The following TLR6 variants were observed in gnomAD, a reference collection of about 807,000 sequenced individuals.
TLR6 encodes toll-like receptor 6.
A neutral mutation model predicts 16.1 loss-of-function variants in TLR6; 9 were observed. The ratio of observed to expected loss-of-function variants is 0.56; its 90% CI spans 0.34 to 0.98. The LOEUF is 0.98. TLR6 is among the 50% of genes least tolerant of loss of function. TLR6 has a pLI of 0.02. For missense variants in TLR6, 786 were observed against 921.0 expected (o/e 0.85, Z 1.90); for synonymous variants, 340 against 338.6 (o/e 1.00, Z -0.04).
intron 1 of TLR6, among the ~76,000 whole-genome samples, chr4:38,839,359 G>C (rs2109441558): frequency 6.6e-6 from 1 of 151,982 alleles, no homozygotes; most frequent in East Asian, 1.9e-4. Flanking sequence ...GACTTACTAG[G>C]CAAAGGCTTT....
At chr4:38,864,097 G>C in the TLR6 span, among the ~76,000 whole-genome samples, 1 of 152,266 alleles carries the variant, frequency 6.6e-6, no homozygotes, top group South Asian at 2.1e-4. Flanking sequence ...CTTCCTTAAA[G>C]TCTACATTGC....
intron 1 of TLR6, among the ~76,000 whole-genome samples, chr4:38,836,939 CAAA>C (rs61331167): frequency 1.1e-5 from 1 of 92,598 alleles, no homozygotes; most frequent in Non-Finnish European, 2.3e-5. Flanking sequence ...GACTCAGTCT[CAAA>C]AAAAAAAAAA....
At chr4:38,827,007 A>G in exon 2 of TLR6, 3 of 1,181,936 alleles carry the variant, frequency 2.5e-6, no homozygotes, top group African/African-American at 1.5e-5. Flanking sequence ...GCACCTCCAG[A>G]CAGTTACTTA....
At chr4:38,867,030 C>A in the TLR6 span, among the ~76,000 whole-genome samples, 1 of 152,156 alleles carries the variant, frequency 6.6e-6, no homozygotes, top group Non-Finnish European at 1.5e-5. Context: ...ATAAACACTG[C>A]GCTTCCTCCG....
chr4:38,837,579 C>T (rs1385273513), intron 1 of TLR6, among the ~76,000 whole-genome samples: 1 of 152,098 alleles, frequency 6.6e-6, no homozygotes, highest in Non-Finnish European at 1.5e-5. Context: ...CTATCTCTCA[C>T]CATATACAAA....
At chr4:38,847,298 G>A (rs547036077) in intron 1 of TLR6, among the ~76,000 whole-genome samples, 86 of 152,192 alleles carry the variant, frequency 5.7e-4, no homozygotes, top group Admixed American at 5.4e-3. Context: ...CACACATTAG[G>A]GGGGGTGGTT....
the TLR6 span, among the ~76,000 whole-genome samples, chr4:38,863,989 C>G: frequency 1.3e-5 from 2 of 152,216 alleles, no homozygotes; most frequent in Non-Finnish European, 2.9e-5. Flanking sequence ...TCCCTCTGCT[C>G]CAGCCACACT....
exon 2 of TLR6, chr4:38,825,942 C>T (rs1470000399): frequency 6.6e-6 from 1 of 152,392 alleles, no homozygotes; most frequent in African/African-American, 2.4e-5. Flanking sequence ...TCTATTCATT[C>T]AACAAATATT....
intron 1 of TLR6, among the ~76,000 whole-genome samples, chr4:38,844,990 C>T (rs974689661): frequency 2.6e-5 from 4 of 152,098 alleles, no homozygotes; most frequent in South Asian, 4.1e-4. Context: ...ACCTGGGAGG[C>T]GGAGGTTGCA....
upstream of TLR6, among the ~76,000 whole-genome samples, chr4:38,860,875 G>C (rs1441077769): frequency 1.3e-5 from 2 of 152,124 alleles, no homozygotes; most frequent in Non-Finnish European, 2.9e-5. Context: ...AGAAACAGGA[G>C]CTCACATACA....
At chr4:38,851,487 C>T (rs1035958741) in intron 1 of TLR6, among the ~76,000 whole-genome samples, 1 of 152,104 alleles carries the variant, frequency 6.6e-6, no homozygotes, top group African/African-American at 2.4e-5. Flanking sequence ...TTTAGAAAAC[C>T]CCATCGTCTC....
chr4:38,828,660 A>G (rs1172762021), exon 2 of TLR6: 3 of 1,614,204 alleles, frequency 1.9e-6, no homozygotes, highest in Non-Finnish European at 2.5e-6. Context: ...GGCCAAAGAA[A>G]TTGAAAGACT....
intron 1 of TLR6, among the ~76,000 whole-genome samples, chr4:38,851,680 G>A (rs1712779548): frequency 6.6e-6 from 1 of 152,086 alleles, no homozygotes; most frequent in African/African-American, 2.4e-5. Context: ...CAACTTACAA[G>A]GGATGTGAAG....
chr4:38,832,484 T>C (rs1165643356), intron 1 of TLR6, among the ~76,000 whole-genome samples: 2 of 152,218 alleles, frequency 1.3e-5, no homozygotes, highest in Non-Finnish European at 2.9e-5. Context: ...GCTAGCTCCT[T>C]GGCCTTCACA....
At chr4:38,855,967 G>C (rs1408147578) in intron 1 of TLR6, among the ~76,000 whole-genome samples, 4 of 151,870 alleles carry the variant, frequency 2.6e-5, no homozygotes, top group Admixed American at 2.0e-4. Flanking sequence ...GGGTAGACAA[G>C]ACCTATGAAA....
chr4:38,823,018 C>G (rs1727390660), downstream of TLR6, among the ~76,000 whole-genome samples: 1 of 152,166 alleles, frequency 6.6e-6, no homozygotes, highest in Admixed American at 6.5e-5. Context: ...AGAGAGAGAA[C>G]TTGTGCAGGG....
At chr4:38,843,487 A>C (rs1351355682) in intron 1 of TLR6, among the ~76,000 whole-genome samples, 1 of 152,256 alleles carries the variant, frequency 6.6e-6, no homozygotes, top group Non-Finnish European at 1.5e-5. Context: ...CTTTATTTAC[A>C]AAGGGTCCAC....
At chr4:38,828,137 C>T in exon 2 of TLR6, 1 of 1,614,214 alleles carries the variant, frequency 6.2e-7, no homozygotes, top group Non-Finnish European at 8.5e-7. Flanking sequence ...AGGTAAACAT[C>T]TGAAAACAGA....
intron 1 of TLR6, among the ~76,000 whole-genome samples, chr4:38,829,795 G>A (rs1427616452): frequency 3.3e-5 from 5 of 152,216 alleles, no homozygotes; most frequent in Admixed American, 1.3e-4. Flanking sequence ...CACACTCAGG[G>A]GCTTGCCTTT....
Sources: allele counts gnomAD v4.1 joint callset (sites outside exome capture counted in the v4.1 genomes callset), GRCh38; gene constraint gnomAD v4.1.1; transcripts MANE v1.5; gene names NCBI Gene and HGNC (gene_info 2026-07-23, HGNC 2026-07-21).